Variants in RNF38 observed in about 807,000 individuals in gnomAD.
RNF38 encodes E3 ubiquitin-protein ligase RNF38.
RNF38 carries 15 observed loss-of-function variants against 67.2 expected under a neutral mutation model. The observed-to-expected ratio is 0.22, with a 90% confidence interval of 0.15 to 0.34. The LOEUF (loss-of-function observed/expected upper bound fraction) is 0.34. RNF38 is among the 10% of genes least tolerant of loss of function. RNF38 has a pLI of 1.00. For synonymous variants in RNF38, 220 were observed against 218.8 expected (o/e 1.01, Z -0.05); for missense variants, 524 against 639.9 (o/e 0.82, Z 1.95).
At chr9:36,363,520 G>C (rs2133682325) in intron 4 of RNF38, among the ~76,000 whole-genome samples, 1 of 100,732 alleles carries the variant, frequency 9.9e-6, no homozygotes, top group South Asian at 3.4e-4. Context: ...AACTGTCCCA[G>C]AACCACTTAT....
upstream of RNF38, chr9:36,400,890 C>T: frequency 1.0e-6 from 1 of 983,878 alleles, no homozygotes; most frequent in African/African-American, 1.8e-5. Flanking sequence ...CCCGGCCCGG[C>T]CACGCCCCTC....
intron 9 of RNF38, among the ~76,000 whole-genome samples, chr9:36,346,290 C>T (rs1220620232): frequency 5.9e-5 from 9 of 152,146 alleles, no homozygotes; most frequent in Admixed American, 5.9e-4. Context: ...ACTGCAACCT[C>T]TGCCTCCCAG....
intron 1 of RNF38, among the ~76,000 whole-genome samples, chr9:36,465,150 C>T (rs1284514141): frequency 6.6e-6 from 1 of 152,186 alleles, no homozygotes; most frequent in Non-Finnish European, 1.5e-5. Flanking sequence ...AACCCTCGTA[C>T]ACTGCTGGTG....
At chr9:36,364,858 G>A (rs975736565) in intron 4 of RNF38, among the ~76,000 whole-genome samples, 1 of 152,186 alleles carries the variant, frequency 6.6e-6, no homozygotes, top group African/African-American at 2.4e-5. Context: ...TCTAGGTGAT[G>A]CTGCTGCTGC....
chr9:36,357,780 G>C lies in RNF38; in HGVS notation c.733C>G (p.Pro245Ala), dbSNP rs777585999. The change falls in exon 5 of 12, where the codon CCT becomes GCT. Residue 245 changes from proline to alanine, a missense_variant. Physicochemically the swap from Pro to Ala is conservative, Grantham distance 27. Coordinates refer to ENST00000259605, the MANE Select transcript of RNF38 (RefSeq NM_022781.5). ...GQHLPVCSVP[P>A]PMLQACSVQH... ...GAACAAAGATAGAGACTTACTGGAG[G>C]AGGCACACTACAGACAGGGAGGTGC... 8.1e-6 allele frequency: 13 copies of C among 1,613,012 alleles called. No homozygotes were observed. In the East Asian group the frequency reaches 2.9e-4, roughly 36 times the overall value.
intron 2 of RNF38, among the ~76,000 whole-genome samples, chr9:36,389,409 C>A (rs1836900437): frequency 6.6e-6 from 1 of 151,380 alleles, no homozygotes; most frequent in Non-Finnish European, 1.5e-5. Context: ...ATTTCTTCCA[C>A]AAATACATAG....
chr9:36,375,253 C>T lies in RNF38; in HGVS notation c.356+681G>A, dbSNP rs77352999. On this transcript the variant is annotated intron_variant, in intron 3 of 11. Transcript: ENST00000259605. ...TCACCAACGCTAGAGTGCAGTGGAA[C>T]AATCATAGCTAAGGTTCATTGCAGC... is the stretch of plus-strand genomic sequence containing the variant. 2.4e-3 allele frequency among the ~76,000 whole-genome samples: 370 copies of T among 152,218 alleles called. 1 individual carries two copies. Among genetic ancestry groups the T allele is most frequent in the African/African-American group, 8.5e-3 (355 of 41,536 alleles).
chr9:36,379,423 A>T (rs1209397195), intron 2 of RNF38, among the ~76,000 whole-genome samples: 1 of 152,228 alleles, frequency 6.6e-6, no homozygotes, highest in Admixed American at 6.5e-5. Flanking sequence ...CCTATAGCAG[A>T]AACAGATGCT....
chr9:36,474,260 C>CAGAGAGAG (rs1840072537), intron 1 of RNF38, among the ~76,000 whole-genome samples: 7 of 130,018 alleles, frequency 5.4e-5, no homozygotes, highest in East Asian at 3.3e-4. Flanking sequence ...TTGCAGTGAG[C>CAGAGAGAG]CAAGATCACG....
At chr9:36,456,519 T>C (rs1366319888) in intron 1 of RNF38, among the ~76,000 whole-genome samples, 1 of 150,718 alleles carries the variant, frequency 6.6e-6, no homozygotes, top group Non-Finnish European at 1.5e-5. Context: ...CTATAGAATC[T>C]GGAAAACTAG....
At chr9:36,465,571 C>T (rs1369979195) in intron 1 of RNF38, among the ~76,000 whole-genome samples, 2 of 152,118 alleles carry the variant, frequency 1.3e-5, no homozygotes, top group Non-Finnish European at 2.9e-5. Flanking sequence ...TCTCGAACTC[C>T]TGACCTCAGG....
chr9:36,387,214 C>T (rs943080388), intron 2 of RNF38, among the ~76,000 whole-genome samples: 2 of 152,190 alleles, frequency 1.3e-5, no homozygotes, highest in Non-Finnish European at 2.9e-5. Context: ...CTCTCCTTTA[C>T]TTTCTTAATA....
At chr9:36,365,735 G>A (rs1398286937) in intron 4 of RNF38, among the ~76,000 whole-genome samples, 1 of 117,764 alleles carries the variant, frequency 8.5e-6, no homozygotes, top group East Asian at 2.9e-4. Flanking sequence ...GTGCAATCTT[G>A]GCTCACTGCA....
chr9:36,385,472 G>A (rs1314979525), intron 2 of RNF38, among the ~76,000 whole-genome samples: 2 of 150,660 alleles, frequency 1.3e-5, no homozygotes, highest in South Asian at 2.1e-4. Flanking sequence ...TCCGCCTCCC[G>A]GATTCAAGTG....
intron 1 of RNF38, among the ~76,000 whole-genome samples, chr9:36,392,872 T>TA (rs1837216795): frequency 6.6e-6 from 1 of 152,142 alleles, no homozygotes; most frequent in African/African-American, 2.4e-5. Context: ...AACTGTAACA[T>TA]AATATTTAAA....
upstream of RNF38, among the ~76,000 whole-genome samples, chr9:36,401,978 C>T (rs938839772): frequency 8.5e-5 from 13 of 152,166 alleles, no homozygotes; most frequent in African/African-American, 3.1e-4. Context: ...TGTTTCAGGA[C>T]CTTCTGGACC....
rs371874814 is a variant in RNF38 at position 36,470,026 on chromosome 9, A to T, written n.241+17282T>A. On this transcript the variant is annotated intron_variant and non_coding_transcript_variant, in intron 1 of 3. Coordinates refer to the RNF38 transcript ENST00000488058. ...AAATAATGCTCAAGAAGCCAGGATG[A>T]GATGGATGGGCTTGATTCTCCTCGG... is the stretch of plus-strand genomic sequence containing the variant. 7.4e-4 allele frequency among the ~76,000 whole-genome samples: 112 copies of T among 152,264 alleles called. 2 individuals are homozygous for T. In the South Asian group the frequency reaches 0.022, roughly 30 times the overall value.
intron 9 of RNF38, among the ~76,000 whole-genome samples, chr9:36,345,427 T>TCC (rs564046179): frequency 2.6e-5 from 4 of 152,190 alleles, no homozygotes; most frequent in Non-Finnish European, 5.9e-5. Flanking sequence ...AGCTGGATAA[T>TCC]TCTTTGTTGT....
intron 1 of RNF38, among the ~76,000 whole-genome samples, chr9:36,450,184 A>ACT (rs140490879): frequency 0.051 from 7,744 of 151,814 alleles, 590 homozygotes; most frequent in African/African-American, 0.17. Flanking sequence ...AACCATCATC[A>ACT]CTCTATTTCC....
Sources: allele counts gnomAD v4.1 joint callset (sites outside exome capture counted in the v4.1 genomes callset), GRCh38; gene constraint gnomAD v4.1.1; transcripts MANE v1.5; gene names NCBI Gene and HGNC (gene_info 2026-07-23, HGNC 2026-07-21).